Variants in PHF21B observed in about 807,000 individuals in gnomAD.
PHF21B encodes PHD finger protein 4.
A neutral mutation model predicts 62.2 loss-of-function variants in PHF21B; 22 were observed. The observed-to-expected ratio is 0.35, with a 90% CI of 0.25 to 0.51. PHF21B has a LOEUF of 0.51. Ranked by LOEUF, PHF21B falls within the 20% of genes least tolerant of loss-of-function variation. The pLI is 0.97. For missense variants in PHF21B, 701 were observed against 707.9 expected (o/e 0.99, Z 0.11); for synonymous variants, 341 against 314.7 (o/e 1.08, Z -0.88).
At chr22:44,991,265 G>C (rs952432760) in intron 2 of PHF21B, among the ~76,000 whole-genome samples, 8 of 152,174 alleles carry the variant, frequency 5.3e-5, no homozygotes, top group African/African-American at 1.9e-4. Flanking sequence ...CCCTAAAATG[G>C]GTAAAAGAAA....
chr22:44,991,435 G>A (rs962448684), intron 2 of PHF21B, among the ~76,000 whole-genome samples: 3 of 152,182 alleles, frequency 2.0e-5, no homozygotes, highest in Non-Finnish European at 2.9e-5. Context: ...CCACCAAGAC[G>A]ACAGGCAGAC....
chr22:44,937,377 ACAGGTGCACACTCAGCACAGGTG>A (rs1391278003), intron 2 of PHF21B, among the ~76,000 whole-genome samples: 1 of 152,228 alleles, frequency 6.6e-6, no homozygotes, highest in African/African-American at 2.4e-5. Context: ...AGGTGTGAAC[ACAGGTGCACACTCAGCACAGGTG>A]CAGGCCGCTG....
At chr22:44,993,668 C>A (rs755069191) in intron 2 of PHF21B, among the ~76,000 whole-genome samples, 6 of 152,208 alleles carry the variant, frequency 3.9e-5, no homozygotes, top group Non-Finnish European at 8.8e-5. Context: ...AATCGAGACC[C>A]GTGGAGATGA....
intron 2 of PHF21B, among the ~76,000 whole-genome samples, chr22:44,968,148 C>G (rs1601657402): frequency 2.0e-5 from 3 of 152,124 alleles, no homozygotes; most frequent in Admixed American, 2.0e-4. Context: ...CTGCGCCCAG[C>G]TCACCCTTAA....
chr22:44,991,555 C>T (rs1167770464), intron 2 of PHF21B, among the ~76,000 whole-genome samples: 2 of 152,154 alleles, frequency 1.3e-5, no homozygotes, highest in South Asian at 2.1e-4. Context: ...ACGGGCCTGG[C>T]GTCCCCCTAG....
intron 2 of PHF21B, among the ~76,000 whole-genome samples, chr22:45,007,784 G>C (rs1438908418): frequency 6.8e-6 from 1 of 147,208 alleles, no homozygotes; most frequent in Non-Finnish European, 1.5e-5. Flanking sequence ...CGGGAGCCAG[G>C]GGGCGGGGGC....
chr22:44,887,754 CAAAA>C (rs59049105), intron 10 of PHF21B, among the ~76,000 whole-genome samples: 1 of 72,298 alleles, frequency 1.4e-5, no homozygotes, highest in Admixed American at 1.6e-4. Flanking sequence ...GACTCTGTCT[CAAAA>C]AAAAAAAAAA....
At chr22:44,946,559 A>G (rs1450010742) in intron 2 of PHF21B, among the ~76,000 whole-genome samples, 6 of 152,052 alleles carry the variant, frequency 3.9e-5, no homozygotes, top group East Asian at 1.9e-4. Context: ...GTAGATGGAC[A>G]GTGGGTGGAC....
At chr22:44,931,886 C>G (rs1289282351) in intron 2 of PHF21B, among the ~76,000 whole-genome samples, 2 of 152,164 alleles carry the variant, frequency 1.3e-5, no homozygotes, top group Non-Finnish European at 2.9e-5. Context: ...CCTGTGCAAT[C>G]CCTCCCACCG....
In PHF21B at chr22:44,920,380, C is replaced by G. The variant is rs55759208; in HGVS notation, c.213+18G>C. The G allele has an allele frequency of 1.5e-3, 2,376 of 1,589,838 alleles. 5 individuals carry two copies. The highest frequency in any genetic ancestry group is 1.8e-3 in the Non-Finnish European group (2,086 of 1,165,060). ...ACAGACAGACGGACACCCCAGGGCC[C>G]GCCCGAGGGCTGCTTACCTGAGGTA... is the stretch of plus-strand genomic sequence containing the variant. On this transcript the variant is annotated intron_variant, in intron 3 of 12. Transcript: ENST00000313237.
intron 2 of PHF21B, among the ~76,000 whole-genome samples, chr22:44,997,672 T>A (rs767622787): frequency 1.3e-5 from 2 of 152,210 alleles, no homozygotes; most frequent in Non-Finnish European, 2.9e-5. Flanking sequence ...TCAGGTTCAT[T>A]TACATGTGCA....
intron 2 of PHF21B, among the ~76,000 whole-genome samples, chr22:44,952,559 T>G (rs1569250468): frequency 6.6e-6 from 1 of 152,206 alleles, no homozygotes; most frequent in African/African-American, 2.4e-5. Context: ...CCCAGCATTT[T>G]TGGGCTTTCA....
At chr22:44,890,298 T>G (rs1383808875) in intron 8 of PHF21B, among the ~76,000 whole-genome samples, 5 of 152,198 alleles carry the variant, frequency 3.3e-5, no homozygotes, top group Admixed American at 3.3e-4. Flanking sequence ...TATTTTCAAC[T>G]CTTTTTAAAC....
intron 7 of PHF21B, 149 bp from the exon 8 acceptor site, chr22:44,891,509 T>C (rs2147255687): frequency 1.2e-6 from 1 of 864,324 alleles, no homozygotes; most frequent in Non-Finnish European, 1.9e-6. Context: ...GGGGCAGAAA[T>C]AGGAACAAAT....
chr22:44,995,146 G>T (rs1031805967), intron 2 of PHF21B, among the ~76,000 whole-genome samples: 1 of 152,150 alleles, frequency 6.6e-6, no homozygotes, highest in Non-Finnish European at 1.5e-5. Context: ...GGTATGGGGG[G>T]GATGAATTAC....
chr22:44,940,172 T>A (rs2071928602), intron 2 of PHF21B, among the ~76,000 whole-genome samples: 1 of 152,126 alleles, frequency 6.6e-6, no homozygotes, highest in Admixed American at 6.5e-5. Flanking sequence ...CGGGCTTAGA[T>A]CACCAGTTTT....
chr22:45,002,458 G>C (rs975687582), intron 2 of PHF21B, among the ~76,000 whole-genome samples: 1 of 152,142 alleles, frequency 6.6e-6, no homozygotes, highest in Non-Finnish European at 1.5e-5. Context: ...TCTGCTGAAG[G>C]CTGGGGGAGG....
chr22:44,913,377 G>T (rs1407933868), intron 5 of PHF21B, among the ~76,000 whole-genome samples: 1 of 152,190 alleles, frequency 6.6e-6, no homozygotes, highest in African/African-American at 2.4e-5. Flanking sequence ...CCATAGCCGG[G>T]GCCCCTAGGA....
chr22:44,905,898 G>A (rs2071241327), intron 5 of PHF21B, among the ~76,000 whole-genome samples: 1 of 152,254 alleles, frequency 6.6e-6, no homozygotes, highest in Admixed American at 6.5e-5. Context: ...GAAGTGCTGG[G>A]CACAATTTCT....
Sources: allele counts gnomAD v4.1 joint callset (sites outside exome capture counted in the v4.1 genomes callset), GRCh38; gene constraint gnomAD v4.1.1; transcripts MANE v1.5; gene names NCBI Gene and HGNC (gene_info 2026-07-23, HGNC 2026-07-21).